The following QTMAN variants were observed in gnomAD, a reference collection of about 807,000 sequenced individuals.
The protein encoded by QTMAN is queuosine-tRNA mannosyltransferase.
the QTMAN span, among the ~76,000 whole-genome samples, chr2:144,196,255 T>C: frequency 6.6e-6 from 1 of 151,558 alleles, no homozygotes; most frequent in Non-Finnish European, 1.5e-5. Context: ...ACGAAATATA[T>C]ATATAATATA....
chr2:144,097,561 G>A, the QTMAN span, among the ~76,000 whole-genome samples: 2 of 152,156 alleles, frequency 1.3e-5, no homozygotes, highest in Non-Finnish European at 2.9e-5. Context: ...CCATCACTGA[G>A]GGCTGGAGGG....
chr2:144,229,936 T>C, the QTMAN span, among the ~76,000 whole-genome samples: 1 of 152,126 alleles, frequency 6.6e-6, no homozygotes, highest in Non-Finnish European at 1.5e-5. Context: ...TAAATAAGCA[T>C]AATAACTATA....
the QTMAN span, among the ~76,000 whole-genome samples, chr2:144,275,003 T>C: frequency 6.6e-6 from 1 of 152,272 alleles, no homozygotes; most frequent in South Asian, 2.1e-4. Flanking sequence ...CCAGTTGGTG[T>C]CTACTGGAAA....
At chr2:144,233,473 A>G in the QTMAN span, among the ~76,000 whole-genome samples, 1 of 152,190 alleles carries the variant, frequency 6.6e-6, no homozygotes, top group Non-Finnish European at 1.5e-5. Context: ...ATAATGGTGT[A>G]AGTGGGAAAG....
the QTMAN span, among the ~76,000 whole-genome samples, chr2:144,161,637 G>A: frequency 6.6e-6 from 1 of 152,000 alleles, no homozygotes; most frequent in South Asian, 2.1e-4. Flanking sequence ...AATATAAATT[G>A]TAAATGAAAA....
the QTMAN span, among the ~76,000 whole-genome samples, chr2:144,140,295 C>A: frequency 6.6e-6 from 1 of 151,878 alleles, no homozygotes; most frequent in Non-Finnish European, 1.5e-5. Context: ...TATGATGTTG[C>A]AGAAATACAT....
chr2:144,151,299 A>G, the QTMAN span, among the ~76,000 whole-genome samples: 1 of 152,154 alleles, frequency 6.6e-6, no homozygotes, highest in Non-Finnish European at 1.5e-5. Flanking sequence ...AAGTCATAAT[A>G]TCTCCAACTA....
the QTMAN span, among the ~76,000 whole-genome samples, chr2:144,136,395 A>AAAAGAAAGGAAAGG: frequency 1.0e-4 from 10 of 97,434 alleles, 1 homozygote; most frequent in African/African-American, 5.2e-4. Context: ...AAGGAAAAGG[A>AAAAGAAAGGAAAGG]AAAGGAAAGG....
the QTMAN span, among the ~76,000 whole-genome samples, chr2:144,260,394 TATA>T: frequency 6.6e-6 from 1 of 152,094 alleles, no homozygotes; most frequent in East Asian, 1.9e-4. Flanking sequence ...TGTTCCAAGA[TATA>T]ATGATTATTT....
the QTMAN span, among the ~76,000 whole-genome samples, chr2:144,103,861 G>A: frequency 6.6e-6 from 1 of 152,078 alleles, no homozygotes; most frequent in Non-Finnish European, 1.5e-5. Context: ...AGGTGGAGGT[G>A]GGTGGATCAC....
the QTMAN span, among the ~76,000 whole-genome samples, chr2:144,045,935 C>A: frequency 3.3e-5 from 5 of 152,258 alleles, no homozygotes; most frequent in Admixed American, 2.0e-4. Context: ...TACATGGCTA[C>A]AATATATAGT....
chr2:144,096,514 G>C, the QTMAN span, among the ~76,000 whole-genome samples: 143 of 152,326 alleles, frequency 9.4e-4, 2 homozygotes, highest in East Asian at 0.019. Context: ...TTTTATTACT[G>C]TGTCATTAAA....
At chr2:144,187,248 T>C in the QTMAN span, among the ~76,000 whole-genome samples, 78 of 152,288 alleles carry the variant, frequency 5.1e-4, no homozygotes, top group South Asian at 1.7e-3. Flanking sequence ...AGCTAGAAAA[T>C]ATAAGGGCAT....
chr2:144,066,759 T>C, the QTMAN span, among the ~76,000 whole-genome samples: 15 of 152,348 alleles, frequency 9.8e-5, no homozygotes, highest in African/African-American at 3.4e-4. Flanking sequence ...GAAGTTGCAG[T>C]GAGCTGAGAT....
the QTMAN span, among the ~76,000 whole-genome samples, chr2:144,242,402 T>C: frequency 6.6e-6 from 1 of 152,062 alleles, no homozygotes; most frequent in Non-Finnish European, 1.5e-5. Flanking sequence ...TTCATATCCA[T>C]TACATAATAT....
the QTMAN span, among the ~76,000 whole-genome samples, chr2:144,200,896 G>T: frequency 6.6e-6 from 1 of 152,176 alleles, no homozygotes; most frequent in Admixed American, 6.5e-5. Context: ...GAGGATACCG[G>T]TAGTGCGCAG....
At chr2:144,317,095 T>C in the QTMAN span, among the ~76,000 whole-genome samples, 1 of 152,166 alleles carries the variant, frequency 6.6e-6, no homozygotes, top group African/African-American at 2.4e-5. Flanking sequence ...TAGCACCCTT[T>C]TCAATCCAAA....
At chr2:143,956,135 ATTC>A in the QTMAN span, among the ~76,000 whole-genome samples, 1 of 152,202 alleles carries the variant, frequency 6.6e-6, no homozygotes, top group Non-Finnish European at 1.5e-5. Flanking sequence ...TCTGATGAGT[ATTC>A]TTCTAGAGCA....
the QTMAN span, among the ~76,000 whole-genome samples, chr2:144,228,630 T>A: frequency 2.0e-5 from 3 of 152,252 alleles, no homozygotes; most frequent in South Asian, 6.2e-4. Flanking sequence ...AAACTATGCT[T>A]TTCAATTTTG....
Sources: gnomAD v4.1 joint callset for allele counts (sites outside exome capture counted in the v4.1 genomes callset) on GRCh38, gnomAD v4.1.1 for gene constraint, MANE v1.5 for transcripts, NCBI Gene and HGNC (gene_info 2026-07-23, HGNC 2026-07-21) for gene names.